SLC24A2: variants seen among roughly 807,000 people sequenced by gnomAD.
SLC24A2 encodes the protein sodium/potassium/calcium exchanger 2.
In SLC24A2, 36 loss-of-function variants were observed where a neutral mutation model predicts 62.0. The observed-to-expected ratio is 0.58, with a 90% CI of 0.44 to 0.77. The LOEUF is 0.77. Ranked by LOEUF, SLC24A2 falls within the 30% of genes least tolerant of loss-of-function variation. The probability of loss-of-function intolerance (pLI) is 0.00; values close to 1 mark genes in which losing one functional copy is unlikely to be tolerated. For missense variants in SLC24A2, 846 were observed against 817.9 expected (o/e 1.03, Z -0.42); for synonymous variants, 358 against 294.0 (o/e 1.22, Z -2.23).
At chr9:19,829,808 TATACACACACACAC>T in the SLC24A2 span, among the ~76,000 whole-genome samples, 1 of 26,730 alleles carries the variant, frequency 3.7e-5, no homozygotes, top group African/African-American at 6.1e-5. Context: ...TATATATATA[TATACACACACACAC>T]ACACACACAC....
chr9:19,706,703 C>T (rs1820534321), intron 2 of SLC24A2, among the ~76,000 whole-genome samples: 2 of 152,024 alleles, frequency 1.3e-5, no homozygotes, highest in Admixed American at 1.3e-4. Flanking sequence ...ATCCAATTTG[C>T]CAAGGAGAAC....
At chr9:20,155,084 G>A in the SLC24A2 span, among the ~76,000 whole-genome samples, 2 of 150,500 alleles carry the variant, frequency 1.3e-5, no homozygotes, top group African/African-American at 4.9e-5. Flanking sequence ...GAAGGCAAGG[G>A]CTGTGTTTTT....
intron 2 of SLC24A2, among the ~76,000 whole-genome samples, chr9:19,745,205 T>C (rs915637458): frequency 6.6e-6 from 1 of 152,190 alleles, no homozygotes; most frequent in Non-Finnish European, 1.5e-5. Flanking sequence ...CTGCCATGGT[T>C]GAAAGATTCC....
At chr9:19,610,268 G>GT (rs1837116890) in intron 4 of SLC24A2, among the ~76,000 whole-genome samples, 1 of 152,148 alleles carries the variant, frequency 6.6e-6, no homozygotes, top group Non-Finnish European at 1.5e-5. Context: ...CAGAAAATAA[G>GT]TAAGAACCTT....
At chr9:20,214,305 C>A in the SLC24A2 span, among the ~76,000 whole-genome samples, 2 of 152,136 alleles carry the variant, frequency 1.3e-5, no homozygotes, top group African/African-American at 4.8e-5. Flanking sequence ...CTATAGTCAA[C>A]AATGTTTTGT....
intron 2 of SLC24A2, among the ~76,000 whole-genome samples, chr9:19,738,622 G>A (rs560595012): frequency 1.8e-4 from 27 of 152,124 alleles, no homozygotes; most frequent in African/African-American, 5.8e-4. Context: ...TAAACTATTT[G>A]AATTAATAAC....
chr9:20,257,381 T>C, the SLC24A2 span, among the ~76,000 whole-genome samples: 1 of 152,234 alleles, frequency 6.6e-6, no homozygotes, highest in Non-Finnish European at 1.5e-5. Flanking sequence ...TTCAGTCAAA[T>C]TGTAAGTCCT....
At chr9:19,527,670 G>C (rs929218196) in intron 9 of SLC24A2, among the ~76,000 whole-genome samples, 4 of 152,182 alleles carry the variant, frequency 2.6e-5, no homozygotes, top group African/African-American at 7.2e-5. Context: ...CTTTCCTAGA[G>C]CCAGTTTTAA....
At chr9:19,894,748 C>A in the SLC24A2 span, among the ~76,000 whole-genome samples, 3 of 152,150 alleles carry the variant, frequency 2.0e-5, no homozygotes, top group African/African-American at 7.2e-5. Context: ...TATACAAGTT[C>A]TCTCATCCCT....
chr9:19,650,481 T>A (rs1384738650), intron 2 of SLC24A2, among the ~76,000 whole-genome samples: 7 of 152,192 alleles, frequency 4.6e-5, no homozygotes, highest in Non-Finnish European at 1.0e-4. Flanking sequence ...GTGCTTAGCC[T>A]GCAGTTGTGA....
At chr9:20,224,797 G>A in the SLC24A2 span, among the ~76,000 whole-genome samples, 3 of 152,150 alleles carry the variant, frequency 2.0e-5, no homozygotes, top group Non-Finnish European at 2.9e-5. Flanking sequence ...GATCATTTTC[G>A]TGGGGCTAAT....
chr9:20,247,378 T>A, the SLC24A2 span, among the ~76,000 whole-genome samples: 3 of 152,114 alleles, frequency 2.0e-5, no homozygotes, highest in Non-Finnish European at 4.4e-5. Flanking sequence ...GCATGTCCTC[T>A]CAAAATTCGT....
At chr9:20,280,387 C>A in the SLC24A2 span, among the ~76,000 whole-genome samples, 1,118 of 152,242 alleles carry the variant, frequency 7.3e-3, 50 homozygotes, top group East Asian at 0.13. Flanking sequence ...TTCCATCTGA[C>A]TAGAGGCAAT....
intron 9 of SLC24A2, among the ~76,000 whole-genome samples, chr9:19,525,398 T>TTTTTTTTTTTTTTTTTTTTTTTTTTA: frequency 7.2e-6 from 1 of 138,218 alleles, no homozygotes; most frequent in Non-Finnish European, 1.5e-5. Flanking sequence ...TTACTTTTTT[T>TTTTTTTTTTTTTTTTTTTTTTTTTTA]TTTTTTTTTT....
chr9:19,552,536 G>C (rs905517475), intron 7 of SLC24A2, among the ~76,000 whole-genome samples: 1 of 151,352 alleles, frequency 6.6e-6, no homozygotes, highest in African/African-American at 2.4e-5. Context: ...TTCTAGCAGA[G>C]AGTCAGTCAG....
At chr9:19,921,298 C>T in the SLC24A2 span, among the ~76,000 whole-genome samples, 22 of 151,808 alleles carry the variant, frequency 1.4e-4, no homozygotes, top group African/African-American at 4.6e-4. Flanking sequence ...CCGAGGTGGG[C>T]GGATCATGAG....
chr9:20,243,462 T>C, the SLC24A2 span, among the ~76,000 whole-genome samples: 117 of 152,314 alleles, frequency 7.7e-4, no homozygotes, highest in Admixed American at 6.7e-3. Context: ...TGGATACATA[T>C]ATACATGAGT....
intron 2 of SLC24A2, among the ~76,000 whole-genome samples, chr9:19,718,557 C>T (rs536122946): frequency 2.6e-4 from 39 of 150,696 alleles, no homozygotes; most frequent in Admixed American, 4.6e-4. Flanking sequence ...GCAATTGGCC[C>T]GCCTTGGCCT....
chr9:19,757,615 C>G (rs1822182526), intron 2 of SLC24A2, among the ~76,000 whole-genome samples: 1 of 152,132 alleles, frequency 6.6e-6, no homozygotes, highest in African/African-American at 2.4e-5. Context: ...CCCAATAAGC[C>G]AGTGGAATTT....
Sources: allele counts gnomAD v4.1 joint callset (sites outside exome capture counted in the v4.1 genomes callset), GRCh38; gene constraint gnomAD v4.1.1; transcripts MANE v1.5; gene names NCBI Gene and HGNC (gene_info 2026-07-23, HGNC 2026-07-21).